Variants in PLA2G4B observed in about 807,000 individuals in gnomAD.
The protein encoded by PLA2G4B is cytosolic phospholipase A2 beta.
Under a neutral mutation model 95.8 loss-of-function variants are expected in PLA2G4B, and 122 were observed. That is an observed-to-expected ratio of 1.27 (90% CI 1.10 to 1.48). The LOEUF is 1.48. PLA2G4B is among the 40% of genes most tolerant of loss of function. PLA2G4B has a pLI of 0.00. For synonymous variants in PLA2G4B, 518 were observed against 421.5 expected (o/e 1.23, Z -2.80); for missense variants, 1,158 against 996.2 (o/e 1.16, Z -2.19).
In PLA2G4B at chr15:41,842,002, C is replaced by T. The variant is rs538778383; in HGVS notation, c.621+53C>T. The T allele has an allele frequency of 1.2e-3, 1,887 of 1,583,464 alleles. 5 individuals carry two copies. Among genetic ancestry groups the T allele is most frequent in the Middle Eastern group, 5.5e-3 (31 of 5,620 alleles). ...GGCCCCCAGAACTTCCTCCCTCCCT[C>T]TGCACCTCCTCCCAGTCTGACCTCT... On this transcript the variant is annotated intron_variant, in intron 8 of 19. Transcript: ENST00000458483.
In PLA2G4B at chr15:41,842,623, C is replaced by T. The variant is rs775838771; in HGVS notation, c.743+32C>T. On this transcript the variant is annotated intron_variant, in intron 10 of 19. Coordinates refer to ENST00000458483, the MANE Select transcript of PLA2G4B (RefSeq NM_001114633.2). ...GGCCTGGCTGGGGACTGGGCAAGGC[C>T]CTGGAAAACAACCAGGGTGCGGGGC... 5 of 1,604,972 alleles carry T rather than the reference C, an allele frequency of 3.1e-6. No individual in the cohort carries two copies. In the East Asian group the frequency reaches 8.9e-5, roughly 29 times the overall value.
intron 9 of PLA2G4B, 76 bp from the exon 10 acceptor site, chr15:41,842,478 C>T (rs1018143443): frequency 5.0e-6 from 8 of 1,584,434 alleles, no homozygotes; most frequent in East Asian, 2.3e-5. Context: ...GGTGGTGCGC[C>T]GGGGATCAGG....
rs1399102348 is a variant in PLA2G4B at position 41,847,921 on chromosome 15, G to A, written c.*61G>A. 6.4e-7 allele frequency: 1 copy of A among 1,554,100 alleles called. No individual in the cohort carries two copies. Among genetic ancestry groups the A allele is most frequent in the African/African-American group, 1.4e-5 (1 of 69,746 alleles). On this transcript the variant is annotated 3_prime_UTR_variant, in exon 20 of 20. Coordinates refer to ENST00000458483, the MANE Select transcript of PLA2G4B (RefSeq NM_001114633.2). ...TTCCCTGGCTGCTGAGTTGCAGGTG[G>A]GAACTGTCATCACGCAGTGCTTCAG...
At position 41,841,936 on chromosome 15, in the gene PLA2G4B, G is replaced by A. The variant is rs1247926245; in HGVS notation, c.608G>A (p.Ser203Asn). The change falls in exon 8 of 20, where the codon AGT becomes AAT. Residue 203 changes from serine to asparagine, a missense_variant. Physicochemically the swap from Ser to Asn is conservative, Grantham distance 46. Transcript: ENST00000458483. ...HCPACWEQEL[S>N]IRLQDAPEEQ... ...CCAGCCTGCTGGGAGCAGGAGCTGA[G>A]TATTCGCCTGCAGGTAGTGTGCCTC... 6.2e-7 allele frequency: 1 copy of A among 1,612,230 alleles called. No individual in the cohort carries two copies. The highest frequency in any genetic ancestry group is 8.5e-7 in the Non-Finnish European group (1 of 1,179,760).
At position 41,842,576 on chromosome 15, in the gene PLA2G4B, T is replaced by C; in HGVS notation, c.728T>C (p.Leu243Pro). The change falls in exon 10 of 20, where the codon CTG becomes CCG. Residue 243 changes from leucine (L) to proline (P), a missense_variant. Transcript: ENST00000458483. ...CAGGAGCCCCTGATGAGAGTGGAGC[T>C]GAAAAAAGAAGCAGGGTGAGAGGCC... ...TSQEPLMRVE[L>P]KKEAGLRELA... 1.9e-6 allele frequency: 3 copies of C among 1,605,960 alleles called. No individual in the cohort carries two copies. The highest frequency in any genetic ancestry group is 2.5e-6 in the Non-Finnish European group (3 of 1,177,876).
At chr15:41,840,347 G>T (rs2065404154) in intron 2 of PLA2G4B, 117 bp downstream of exon 2, 50 of 1,572,876 alleles carry the variant, frequency 3.2e-5, no homozygotes, top group Non-Finnish European at 4.2e-5. Context: ...AGGGCCTAGA[G>T]GAGGGAGCTG....
At position 41,840,909 on chromosome 15, in the gene PLA2G4B, A is replaced by T; in HGVS notation, c.351+4A>T. 6.2e-7 allele frequency: 1 copy of T among 1,611,854 alleles called. No homozygotes were observed. ...GAGCTTCTCACTGAGCCCTCAGGCA[A>T]GGCGGTGTTTCCACGGCAGCCCTAG... On this transcript the variant is annotated splice_donor_region_variant and intron_variant, in intron 4 of 19. Transcript: ENST00000458483.
At chr15:41,845,911 G>T in intron 15 of PLA2G4B, 32 bp from the exon 16 acceptor site, 2 of 1,515,086 alleles carry the variant, frequency 1.3e-6, no homozygotes, top group South Asian at 2.7e-5. Flanking sequence ...ACAAGAGTCG[G>T]GGGCCCTCTT....
chr15:41,842,000 C>T (rs748422060), intron 8 of PLA2G4B, 51 bp downstream of exon 8: 3 of 1,584,368 alleles, frequency 1.9e-6, no homozygotes, highest in Non-Finnish European at 1.7e-6. Context: ...TCCTCCCTCC[C>T]TCTGCACCTC....
At chr15:41,840,483 AG>A in intron 2 of PLA2G4B, 40 bp from the exon 3 acceptor site, 3 of 1,612,294 alleles carry the variant, frequency 1.9e-6, no homozygotes, top group Non-Finnish European at 2.5e-6. Context: ...GCGGCTGGGA[AG>A]GGCTCTTGTC....
chr15:41,841,482 G>C, intron 6 of PLA2G4B, 35 bp from the exon 7 acceptor site: 1 of 1,613,874 alleles, frequency 6.2e-7, no homozygotes, highest in Non-Finnish European at 8.5e-7. Context: ...ATGGGGGGTG[G>C]GGTTAGTGTC....
chr15:41,840,028 T>C, intron 1 of PLA2G4B, 130 bp from the exon 2 acceptor site: 1 of 996,700 alleles, frequency 1.0e-6, no homozygotes, highest in Non-Finnish European at 1.4e-6. Context: ...GATTCAGGAT[T>C]CTGATGAGAT....
intron 17 of PLA2G4B, 129 bp downstream of exon 17, chr15:41,846,511 C>A: frequency 6.7e-7 from 1 of 1,502,064 alleles, no homozygotes; most frequent in East Asian, 2.3e-5. Flanking sequence ...GAACAGGGGT[C>A]TTTTTCTCCT....
Position 41,846,766 on chromosome 15 carries a change from C to T in PLA2G4B, c.1878C>T (p.Pro626=), listed in dbSNP as rs1297862915. The part of the protein sequence containing the change: ...VGYLINTSCL[P]LLQPTRDVDL... ...ACCTCATCAATACCAGCTGCCTGCC[C>T]CTCCTGCAGCCCACTCGGGACGTGG... Residue 626 remains proline (P), a synonymous_variant, in exon 18 of 20, where the codon CCC becomes CCT. Coordinates refer to ENST00000458483, the MANE Select transcript of PLA2G4B (RefSeq NM_001114633.2). 8.7e-6 allele frequency: 14 copies of T among 1,614,040 alleles called. No homozygotes were observed. The highest frequency in any genetic ancestry group is 9.3e-6 in the Non-Finnish European group (11 of 1,179,966).
chr15:41,844,821 T>C (rs1259015388), intron 12 of PLA2G4B, 27 bp from the exon 13 acceptor site: 3 of 1,579,426 alleles, frequency 1.9e-6, no homozygotes, highest in Non-Finnish European at 2.6e-6. Flanking sequence ...GTGACAGCCC[T>C]CTGGCTTTGG....
At chr15:41,841,998 C>T in intron 8 of PLA2G4B, 49 bp downstream of exon 8, 1 of 1,585,796 alleles carries the variant, frequency 6.3e-7, no homozygotes, top group Non-Finnish European at 8.6e-7. Flanking sequence ...CTTCCTCCCT[C>T]CCTCTGCACC....
chr15:41,845,527 G>GGCCTGGGCC, intron 14 of PLA2G4B, 111 bp from the exon 15 acceptor site: 1 of 1,525,710 alleles, frequency 6.6e-7, no homozygotes, highest in South Asian at 1.3e-5. Context: ...CAGGCCACAA[G>GGCCTGGGCC]GCCTGGGCCT....
In PLA2G4B at chr15:41,841,517, G is replaced by A. The variant is rs1230944465; in HGVS notation, c.436G>A (p.Ala146Thr). 6.2e-7 allele frequency: 1 copy of A among 1,614,050 alleles called. No individual in the cohort carries two copies. Among genetic ancestry groups the A allele is most frequent in the East Asian group, 2.2e-5 (1 of 44,876 alleles). Residue 146 changes from alanine (A) to threonine (T), a missense_variant and splice_region_variant, in exon 7 of 20, where the codon GCC becomes ACC. Physicochemically the swap from Ala to Thr is moderately conservative, Grantham distance 58. Coordinates refer to ENST00000458483, the MANE Select transcript of PLA2G4B (RefSeq NM_001114633.2). ...CTGAGGGGCTGTCTTCATGACTCAGGCCCGGGAGCTCTCCTGCTTGCACGT... is the reference window on the plus strand; with the variant it reads ...CTGAGGGGCTGTCTTCATGACTCAGACCCGGGAGCTCTCCTGCTTGCACGT... ...EWLVSNGVLV[A>T]RELSCLHVQL...
chr15:41,848,007 G>A lies in PLA2G4B; in HGVS notation c.*147G>A, dbSNP rs980962103. 56 of 1,143,394 alleles carry A rather than the reference G, an allele frequency of 4.9e-5. No homozygotes were observed. Among genetic ancestry groups the A allele is most frequent in the East Asian group, 1.3e-4 (5 of 38,852 alleles). The allele number at this position is 1,143,394 out of a possible 1,614,324, so 70.8% of individuals were successfully genotyped here. On this transcript the variant is annotated 3_prime_UTR_variant, in exon 20 of 20. Coordinates refer to ENST00000458483, the MANE Select transcript of PLA2G4B (RefSeq NM_001114633.2). ...GGCTGAGGGCTGGGAGCTCCCTTGCGCCTCAGCAGTTTGCAGTGGGGTAAG... is the reference window on the plus strand; with the variant it reads ...GGCTGAGGGCTGGGAGCTCCCTTGCACCTCAGCAGTTTGCAGTGGGGTAAG...
Sources: gnomAD v4.1 joint callset for allele counts on GRCh38, gnomAD v4.1.1 for gene constraint, MANE v1.5 for transcripts, NCBI Gene and HGNC (gene_info 2026-07-23, HGNC 2026-07-21) for gene names.